VIT: variants seen among roughly 807,000 people sequenced by gnomAD.
The protein encoded by VIT is vitrin.
Under a neutral mutation model 78.0 loss-of-function variants are expected in VIT, and 99 were observed. The ratio of observed to expected loss-of-function variants is 1.27; its 90% CI spans 1.08 to 1.50. The LOEUF is 1.50. Among genes scored for constraint, VIT ranks in the 40% most tolerant of loss-of-function variants. The probability of loss-of-function intolerance (pLI) is 0.00; values close to 1 mark genes in which losing one functional copy is unlikely to be tolerated. For missense variants in VIT, 1,126 were observed against 875.3 expected, an observed-to-expected ratio of 1.29 and a Z score of -3.61; for synonymous variants, 374 against 334.3, an observed-to-expected ratio of 1.12 and a Z score of -1.29.
chr2:36,721,851 A>G (rs1666533827), intron 2 of VIT, among the ~76,000 whole-genome samples: 1 of 152,144 alleles, frequency 6.6e-6, no homozygotes, highest in Non-Finnish European at 1.5e-5. Context: ...CCATCTTCCT[A>G]AGCACTTCCT....
intron 12 of VIT, among the ~76,000 whole-genome samples, chr2:36,796,317 G>T (rs905085623): frequency 6.6e-6 from 1 of 152,150 alleles, no homozygotes. Flanking sequence ...GTAAAACAAG[G>T]TTATATATTG....
intron 3 of VIT, among the ~76,000 whole-genome samples, chr2:36,738,284 G>T (rs2148505723): frequency 6.6e-6 from 1 of 152,140 alleles, no homozygotes; most frequent in African/African-American, 2.4e-5. Flanking sequence ...CAAAGCTTTG[G>T]GTTTATAGGC....
chr2:36,788,594 A>G (rs1270703856), intron 12 of VIT, among the ~76,000 whole-genome samples: 2 of 152,194 alleles, frequency 1.3e-5, no homozygotes, highest in African/African-American at 2.4e-5. Context: ...TGAAATAAGA[A>G]AAGTGCGGTT....
At chr2:36,717,984 G>A (rs915784333) in intron 2 of VIT, among the ~76,000 whole-genome samples, 3 of 152,162 alleles carry the variant, frequency 2.0e-5, no homozygotes, top group African/African-American at 7.2e-5. Flanking sequence ...TCTTTGGCCT[G>A]TACATGTATC....
intron 1 of VIT, among the ~76,000 whole-genome samples, chr2:36,709,137 G>A (rs370477995): frequency 2.3e-4 from 35 of 152,232 alleles, no homozygotes; most frequent in South Asian, 6.2e-4. Flanking sequence ...GTGACAGAGC[G>A]AAACTCCGTC....
intron 13 of VIT, among the ~76,000 whole-genome samples, chr2:36,803,898 A>G (rs577381925): frequency 1.3e-5 from 2 of 152,346 alleles, no homozygotes; most frequent in Admixed American, 6.5e-5. Context: ...AATACTGTGT[A>G]TAATTTCAAG....
chr2:36,715,534 TAAAAAAAAAAATA>T (rs1161516508), intron 1 of VIT, among the ~76,000 whole-genome samples: 1 of 138,262 alleles, frequency 7.2e-6, no homozygotes, highest in Non-Finnish European at 1.6e-5. Flanking sequence ...AGACTACGTC[TAAAAAAAAAAATA>T]AAAAAAAAAA....
At chr2:36,807,353 C>G (rs76531162) in intron 14 of VIT, among the ~76,000 whole-genome samples, 1 of 151,536 alleles carries the variant, frequency 6.6e-6, no homozygotes, top group African/African-American at 2.4e-5. Context: ...TGTGTTCAGT[C>G]CAGCTAGTCT....
chr2:36,792,775 C>T (rs1172593836), intron 12 of VIT, among the ~76,000 whole-genome samples: 1 of 152,302 alleles, frequency 6.6e-6, no homozygotes, highest in South Asian at 2.1e-4. Flanking sequence ...TGACCCCTGA[C>T]CCCCACAGTG....
intron 3 of VIT, among the ~76,000 whole-genome samples, chr2:36,737,785 T>C (rs1667597546): frequency 6.6e-6 from 1 of 152,200 alleles, no homozygotes; most frequent in Non-Finnish European, 1.5e-5. Flanking sequence ...GGTTTATGTG[T>C]AGCAACTTGT....
intron 2 of VIT, among the ~76,000 whole-genome samples, 179 bp downstream of exon 2, chr2:36,716,601 G>C (rs140509368): frequency 6.6e-6 from 1 of 152,210 alleles, no homozygotes; most frequent in African/African-American, 2.4e-5. Flanking sequence ...ATCAAATTCA[G>C]GATGCATGTG....
chr2:36,809,266 A>G (rs1417143889), intron 15 of VIT, among the ~76,000 whole-genome samples: 2 of 152,052 alleles, frequency 1.3e-5, no homozygotes, highest in African/African-American at 2.4e-5. Context: ...TACATCCTGC[A>G]CCCTGAGGCA....
At chr2:36,760,074 A>C (rs1410295867) in intron 6 of VIT, among the ~76,000 whole-genome samples, 1 of 151,020 alleles carries the variant, frequency 6.6e-6, no homozygotes, top group African/African-American at 2.4e-5. Context: ...AGCTCCCTAC[A>C]ACCTCTGCCT....
chr2:36,805,690 C>G, intron 14 of VIT, 26 bp downstream of exon 14: 1 of 1,597,084 alleles, frequency 6.3e-7, no homozygotes, highest in Non-Finnish European at 8.6e-7. Context: ...GAGACCTACC[C>G]AACATCAGGA....
rs79756319 is a variant in VIT, at chr2:36,801,081, A to G, written c.1059-220A>G. 1.5e-3 allele frequency among the ~76,000 whole-genome samples: 224 copies of G among 152,332 alleles called. 8 individuals carry two copies. In the East Asian group the frequency reaches 0.039, roughly 27 times the overall value. ...CCAGAGAAGTTGTCTCCTCAAGATC[A>G]CACAGCCAGGAAATGGCACAGTCAA... On this transcript the variant is annotated intron_variant, in intron 12 of 15. Transcript: ENST00000379242.
intron 7 of VIT, among the ~76,000 whole-genome samples, chr2:36,772,392 C>T (rs937526089): frequency 5.9e-5 from 9 of 152,042 alleles, no homozygotes; most frequent in Non-Finnish European, 8.8e-5. Flanking sequence ...CAAAATTAGC[C>T]GGGCATGGTG....
chr2:36,803,061 G>A (rs1395840765), intron 13 of VIT, among the ~76,000 whole-genome samples: 1 of 152,172 alleles, frequency 6.6e-6, no homozygotes, highest in Non-Finnish European at 1.5e-5. Flanking sequence ...AGCAGGATCA[G>A]GAGATCAGGA....
intron 15 of VIT, among the ~76,000 whole-genome samples, chr2:36,811,925 C>T (rs912703766): frequency 6.6e-6 from 1 of 152,180 alleles, no homozygotes; most frequent in Admixed American, 6.5e-5. Flanking sequence ...ATCCACCCAC[C>T]TCAGCCTCCC....
chr2:36,765,217 G>C (rs1669347591), intron 6 of VIT, among the ~76,000 whole-genome samples: 1 of 152,146 alleles, frequency 6.6e-6, no homozygotes, highest in African/African-American at 2.4e-5. Flanking sequence ...GGAAGGCAGA[G>C]GGAGATTATT....
Sources: allele counts gnomAD v4.1 joint callset (sites outside exome capture counted in the v4.1 genomes callset), GRCh38; gene constraint gnomAD v4.1.1; transcripts MANE v1.5; gene names NCBI Gene and HGNC (gene_info 2026-07-23, HGNC 2026-07-21).